Variants in CEP95 observed in about 807,000 individuals in gnomAD.
The protein encoded by CEP95 is centrosomal protein of 95 kDa.
Under a neutral mutation model 111.2 loss-of-function variants are expected in CEP95, and 98 were observed. The observed-to-expected ratio is 0.88, with a 90% confidence interval of 0.75 to 1.04. The LOEUF (loss-of-function observed/expected upper bound fraction) is 1.04, where lower values mean the gene tolerates loss of function less well. Among genes scored for constraint, CEP95 ranks in the 50% least tolerant of loss-of-function variants. CEP95 has a pLI of 0.00. For missense variants in CEP95, 1,027 were observed against 977.2 expected (o/e 1.05, Z -0.68); for synonymous variants, 323 against 327.1 (o/e 0.99, Z 0.14).
intron 16 of CEP95, 107 bp downstream of exon 16, chr17:64,533,298 C>T (rs138966494): frequency 5.6e-6 from 5 of 896,428 alleles, no homozygotes; most frequent in East Asian, 2.6e-5. Context: ...CTCTTAACAC[C>T]TGCATGTGGA....
chr17:64,537,514 T>TTTGA, intron 19 of CEP95, 89 bp from the exon 20 acceptor site: 3 of 1,451,380 alleles, frequency 2.1e-6, no homozygotes, highest in East Asian at 2.4e-5. Flanking sequence ...TTTGGAGGAG[T>TTTGA]TTGATTAGCT....
At chr17:64,507,828 G>A in intron 1 of CEP95, 3 of 985,414 alleles carry the variant, frequency 3.0e-6, no homozygotes, top group African/African-American at 3.5e-5. Context: ...CCGATTGAAA[G>A]TGCTTTCCTA....
intron 10 of CEP95, among the ~76,000 whole-genome samples, 154 bp downstream of exon 10, chr17:64,526,354 A>C (rs938662709): frequency 6.6e-6 from 1 of 152,236 alleles, no homozygotes; most frequent in Non-Finnish European, 1.5e-5. Context: ...TAGAACAGGA[A>C]GTGATCTCTC....
At chr17:64,523,551 A>G (rs1967542685) in intron 8 of CEP95, among the ~76,000 whole-genome samples, 1 of 151,680 alleles carries the variant, frequency 6.6e-6, no homozygotes, top group Non-Finnish European at 1.5e-5. Context: ...TGGGTGACAG[A>G]GTAAGACTTC....
rs1968768011 is a variant in CEP95, at chr17:64,537,913, T to C, written c.*134T>C. ...ACCTGTATTTTCATTCCAGTACTTT[T>C]TATGATTTTTTAAATAAAAATTGTT... On this transcript the variant is annotated 3_prime_UTR_variant, in exon 20 of 20. Transcript: ENST00000556440. The C allele has an allele frequency of 2.2e-6, 1 of 464,012 alleles. No homozygotes were observed. Among genetic ancestry groups the C allele is most frequent in the Non-Finnish European group, 3.5e-6 (1 of 282,516 alleles). 28.7% of individuals were successfully genotyped at this position (464,012 alleles called of 1,614,324 possible).
chr17:64,531,645 C>T (rs1185782497), intron 13 of CEP95, among the ~76,000 whole-genome samples: 1 of 152,116 alleles, frequency 6.6e-6, no homozygotes, highest in African/African-American at 2.4e-5. Flanking sequence ...GTGACTGAAA[C>T]TTGAAAAAGA....
chr17:64,534,679 A>ATGAT lies in CEP95; in HGVS notation c.2014_2017dup (p.Tyr673Ter). On this transcript the variant is annotated frameshift_variant, in exon 17 of 20. Transcript: ENST00000556440. LOFTEE classifies it high-confidence loss of function. ...ATCGTTCGTGCTCGAAAATATTATG[A>ATGAT]TGATTATAGAGTTCAGTTGTGTGCA... 1 of 1,613,462 alleles carries ATGAT rather than the reference A, an allele frequency of 6.2e-7. No homozygotes were observed. Among genetic ancestry groups the ATGAT allele is most frequent in the Non-Finnish European group, 8.5e-7 (1 of 1,179,604 alleles).
In CEP95 at chr17:64,521,475, G is replaced by A; in HGVS notation, c.663G>A (p.Met221Ile). The change falls in exon 7 of 20, where the codon ATG becomes ATA. Residue 221 changes from methionine to isoleucine, a missense_variant. Physicochemically the swap from Met to Ile is conservative, Grantham distance 10. Transcript: ENST00000556440. ...ASPSSKSHED[M>I]LYPPSVLSKS... ...CAAGTTCTAAATCACATGAAGATATGTTGTACCCTCCTAGTGTTTTGTCCA... is the reference window on the plus strand; with the variant it reads ...CAAGTTCTAAATCACATGAAGATATATTGTACCCTCCTAGTGTTTTGTCCA... 1 of 1,612,876 alleles carries A rather than the reference G, an allele frequency of 6.2e-7. No individual in the cohort carries two copies.
chr17:64,519,633 G>A (rs1967156178), intron 6 of CEP95, among the ~76,000 whole-genome samples, 197 bp downstream of exon 6: 1 of 152,108 alleles, frequency 6.6e-6, no homozygotes, highest in African/African-American at 2.4e-5. Context: ...TAAGTCCAAG[G>A]CAAATAAGTG....
chr17:64,537,822 A>T lies in CEP95; in HGVS notation c.*43A>T, dbSNP rs1555682004. ...GTAGGTGAAGGTTCTGGAGGCCTTT[A>T]CCAGGACAGAGCTAGAATCGAGCCA... is the stretch of plus-strand genomic sequence containing the variant. On this transcript the variant is annotated 3_prime_UTR_variant, in exon 20 of 20. Coordinates refer to ENST00000556440, the MANE Select transcript of CEP95 (RefSeq NM_138363.3). The T allele has an allele frequency of 1.5e-6, 2 of 1,313,220 alleles. No homozygotes were observed. Among genetic ancestry groups the T allele is most frequent in the Non-Finnish European group, 2.1e-6 (2 of 969,064 alleles). The allele number at this position is 1,313,220 out of a possible 1,614,324, so 81.3% of individuals were successfully genotyped here.
chr17:64,508,517 T>A, intron 1 of CEP95, 75 bp from the exon 2 acceptor site: 2 of 1,251,998 alleles, frequency 1.6e-6, no homozygotes, highest in South Asian at 6.4e-5. Context: ...GGGGAGGTTG[T>A]TGGATTTTTT....
At chr17:64,529,821 C>T (rs1968133634) in intron 12 of CEP95, among the ~76,000 whole-genome samples, 1 of 152,156 alleles carries the variant, frequency 6.6e-6, no homozygotes, top group Non-Finnish European at 1.5e-5. Flanking sequence ...GATTCAACAA[C>T]AGGGAGATTG....
intron 6 of CEP95, among the ~76,000 whole-genome samples, chr17:64,520,093 A>G (rs961361142): frequency 6.6e-6 from 1 of 152,242 alleles, no homozygotes; most frequent in African/African-American, 2.4e-5. Context: ...CGGAAGGACC[A>G]GAGTCAAGTG....
At chr17:64,528,941 T>C (rs1968063774) in intron 11 of CEP95, among the ~76,000 whole-genome samples, 1 of 152,228 alleles carries the variant, frequency 6.6e-6, no homozygotes, top group Non-Finnish European at 1.5e-5. Context: ...AGGACCCAGA[T>C]AGGTAAAAGG....
At chr17:64,517,422 A>T (rs1966953638) in intron 5 of CEP95, among the ~76,000 whole-genome samples, 1 of 152,200 alleles carries the variant, frequency 6.6e-6, no homozygotes, top group African/African-American at 2.4e-5. Context: ...GCAGGAAAAA[A>T]AATCTATTCC....
At position 64,507,566 on chromosome 17, in the gene CEP95, T is replaced by G. The variant is rs563324160; in HGVS notation, c.19+450T>G. ...GTAGAATATGCCCCTGTAGAATAGTTGTGCTTTTTTCTCTTCAGTGCCCTC... is the reference window on the plus strand; with the variant it reads ...GTAGAATATGCCCCTGTAGAATAGTGGTGCTTTTTTCTCTTCAGTGCCCTC... On this transcript the variant is annotated intron_variant, in intron 1 of 19. Coordinates refer to ENST00000556440, the MANE Select transcript of CEP95 (RefSeq NM_138363.3). 16 of 1,033,182 alleles carry G rather than the reference T, an allele frequency of 1.5e-5. No homozygotes were observed. The African/African-American group carries it at 2.8e-4, about 18-fold the overall frequency. 64.0% of individuals were successfully genotyped at this position (1,033,182 alleles called of 1,614,324 possible).
chr17:64,506,980 C>A lies in CEP95; in HGVS notation c.-118C>A. On this transcript the variant is annotated 5_prime_UTR_variant, in exon 1 of 20. Transcript: ENST00000556440. Reference sequence around the variant, plus strand: ...GTCCGTCCTTCTTTCACGCCTCCTTCCCCGCGCTTTGGTTCGTGCGTCCGC... The same window carrying A: ...GTCCGTCCTTCTTTCACGCCTCCTTACCCGCGCTTTGGTTCGTGCGTCCGC... 2 of 1,159,414 alleles carry A rather than the reference C, an allele frequency of 1.7e-6. No homozygotes were observed. The highest frequency in any genetic ancestry group is 2.5e-6 in the Non-Finnish European group (2 of 790,620). The allele number at this position is 1,159,414 out of a possible 1,614,324, so 71.8% of individuals were successfully genotyped here.
intron 18 of CEP95, 65 bp from the exon 19 acceptor site, chr17:64,536,976 A>G (rs1968697677): frequency 6.9e-7 from 1 of 1,442,562 alleles, no homozygotes; most frequent in African/African-American, 1.4e-5. Flanking sequence ...GTGAACATTA[A>G]GAAATGTTAC....
intron 4 of CEP95, chr17:64,515,997 GT>G (rs2039119718): frequency 6.6e-6 from 1 of 152,168 alleles, no homozygotes; most frequent in Non-Finnish European, 1.5e-5. Context: ...CATGGTTGTT[GT>G]GAAAGTTAAG....
Sources: gnomAD v4.1 joint callset for allele counts (sites outside exome capture counted in the v4.1 genomes callset) on GRCh38, gnomAD v4.1.1 for gene constraint, MANE v1.5 for transcripts, NCBI Gene and HGNC (gene_info 2026-07-23, HGNC 2026-07-21) for gene names.